The following FAM193A variants were observed in gnomAD, a reference collection of about 807,000 sequenced individuals.
FAM193A encodes the protein protein FAM193A.
A neutral mutation model predicts 126.5 loss-of-function variants in FAM193A; 22 were observed. The observed-to-expected ratio is 0.17, with a 90% CI of 0.12 to 0.25. FAM193A has a LOEUF of 0.25. FAM193A is among the 10% of genes least tolerant of loss of function. The pLI is 1.00. For missense variants in FAM193A, 1,675 were observed against 1,672.8 expected, an observed-to-expected ratio of 1.00 and a Z score of -0.02; for synonymous variants, 761 against 646.8, an observed-to-expected ratio of 1.18 and a Z score of -2.68.
intron 19 of FAM193A, among the ~76,000 whole-genome samples, chr4:2,710,944 C>T (rs868005597): frequency 9.2e-5 from 14 of 151,428 alleles, no homozygotes; most frequent in African/African-American, 1.5e-4. Flanking sequence ...CTCCGCCTCC[C>T]GGGTTCATGC....
intron 3 of FAM193A, chr4:2,625,629 C>T (rs980658167): frequency 6.6e-5 from 23 of 346,884 alleles, no homozygotes; most frequent in Non-Finnish European, 1.0e-4. Context: ...TAATCAGAAT[C>T]TAAGAGCAGC....
chr4:2,631,213 A>AG (rs1743546425), intron 5 of FAM193A, 44 bp downstream of exon 5: 2 of 1,550,676 alleles, frequency 1.3e-6, no homozygotes, highest in Non-Finnish European at 8.8e-7. Context: ...GATGAGCTGA[A>AG]GAGAAGCATG....
At chr4:2,602,048 A>C (rs1191807184) in intron 2 of FAM193A, among the ~76,000 whole-genome samples, 3 of 152,010 alleles carry the variant, frequency 2.0e-5, no homozygotes, top group African/African-American at 7.2e-5. Context: ...CATGTTGCCC[A>C]GGCTGGTTTC....
At chr4:2,669,407 G>A (rs982262533) in intron 12 of FAM193A, among the ~76,000 whole-genome samples, 5 of 152,058 alleles carry the variant, frequency 3.3e-5, no homozygotes, top group East Asian at 2.0e-4. Context: ...TCAGGAGTTC[G>A]AGACCAGCCT....
intron 1 of FAM193A, among the ~76,000 whole-genome samples, chr4:2,594,268 G>C (rs1461666176): frequency 4.6e-5 from 7 of 152,148 alleles, no homozygotes; most frequent in Non-Finnish European, 1.0e-4. Context: ...ATGGAGCCTG[G>C]GGTCCAAATG....
At chr4:2,551,881 CCT>C (rs1296110810) in intron 1 of FAM193A, among the ~76,000 whole-genome samples, 1 of 151,766 alleles carries the variant, frequency 6.6e-6, no homozygotes, top group Non-Finnish European at 1.5e-5. Context: ...TGTACGGTCT[CCT>C]AGTCTGGAGT....
intron 19 of FAM193A, among the ~76,000 whole-genome samples, chr4:2,708,683 G>A (rs1050757019): frequency 4.6e-5 from 7 of 151,738 alleles, no homozygotes; most frequent in Non-Finnish European, 8.8e-5. Context: ...GGCTGGTCTC[G>A]AACTCCAGAC....
rs189295942 is a variant in FAM193A at position 2,577,443 on chromosome 4, G to A, written c.256-18641G>A. Reference sequence around the variant, plus strand: ...TTTTGTTTTTTTTTTTTTTGAGACAGAGTCTCAGTCTGTCACTCAAGCTGG... The same window carrying A: ...TTTTGTTTTTTTTTTTTTTGAGACAAAGTCTCAGTCTGTCACTCAAGCTGG... On this transcript the variant is annotated intron_variant, in intron 1 of 20. Transcript: ENST00000637812. Among the ~76,000 whole-genome samples the A allele has an allele frequency of 4.6e-4, 35 of 76,616 alleles. No individual in the cohort carries two copies. In the East Asian group the frequency reaches 0.012, roughly 26 times the overall value. 50.3% of individuals were successfully genotyped at this position (76,616 alleles called of 152,430 possible). A position where few individuals can be genotyped will look rare whatever the true frequency, so the allele number is the denominator to read the frequency against.
chr4:2,660,377 G>T (rs571749441), intron 10 of FAM193A, among the ~76,000 whole-genome samples: 1 of 152,268 alleles, frequency 6.6e-6, no homozygotes, highest in Admixed American at 6.5e-5. Context: ...CGTCTGTCCT[G>T]TCTCCCTGTC....
chr4:2,626,534 T>C lies in FAM193A; in HGVS notation c.760T>C (p.Ser254Pro). Reference sequence around the variant, plus strand: ...CCCGCTGGCAGATGACCAGGACCAGTCTCTGGTGCCTGACAAGGAGGGAGT... The same window carrying C: ...CCCGCTGGCAGATGACCAGGACCAGCCTCTGGTGCCTGACAAGGAGGGAGT... ...GTPLADDQDQ[S>P]LVPDKEGVKE... The change falls in exon 4 of 21, where the codon TCT (serine) becomes CCT (proline). Residue 254 changes from serine (S) to proline (P), a missense_variant. Coordinates refer to ENST00000637812, the MANE Select transcript of FAM193A (RefSeq NM_001366318.2). 2.8e-6 allele frequency: 2 copies of C among 702,112 alleles called. No individual in the cohort carries two copies. The highest frequency in any genetic ancestry group is 5.2e-6 in the Non-Finnish European group (2 of 384,850). The allele number at this position is 702,112 out of a possible 1,614,324, so 43.5% of individuals were successfully genotyped here.
intron 20 of FAM193A, among the ~76,000 whole-genome samples, chr4:2,721,109 C>G (rs1219448758): frequency 6.6e-6 from 1 of 151,900 alleles, no homozygotes; most frequent in African/African-American, 2.4e-5. Context: ...GCCAGGAGCT[C>G]GAAACCATCC....
At chr4:2,606,603 A>G (rs1480446337) in intron 2 of FAM193A, among the ~76,000 whole-genome samples, 3 of 152,320 alleles carry the variant, frequency 2.0e-5, no homozygotes, top group East Asian at 3.9e-4. Context: ...GTGAAAGTCC[A>G]TTGGTCTGTC....
intron 7 of FAM193A, among the ~76,000 whole-genome samples, chr4:2,648,364 C>CA (rs935564862): frequency 3.1e-4 from 47 of 152,312 alleles, no homozygotes; most frequent in South Asian, 1.7e-3. Context: ...GGAGGGGCCT[C>CA]AGAGATCACT....
chr4:2,622,345 T>A (rs1056672578), intron 2 of FAM193A, among the ~76,000 whole-genome samples: 9 of 147,464 alleles, frequency 6.1e-5, no homozygotes, highest in African/African-American at 2.3e-4. Flanking sequence ...ATGGCAGGAG[T>A]CCCCAAGGGC....
At chr4:2,561,256 C>G (rs1738595796) in intron 1 of FAM193A, among the ~76,000 whole-genome samples, 1 of 152,196 alleles carries the variant, frequency 6.6e-6, no homozygotes, top group East Asian at 1.9e-4. Flanking sequence ...TCTCAGTTCA[C>G]TGCAGCCTCT....
intron 1 of FAM193A, among the ~76,000 whole-genome samples, chr4:2,563,026 C>A (rs1738721324): frequency 6.6e-6 from 1 of 151,952 alleles, no homozygotes; most frequent in Non-Finnish European, 1.5e-5. Flanking sequence ...CTCACTGCAA[C>A]CTCTGCCTCC....
intron 15 of FAM193A, among the ~76,000 whole-genome samples, chr4:2,692,510 C>T (rs2109273370): frequency 6.6e-6 from 1 of 152,300 alleles, no homozygotes; most frequent in African/African-American, 2.4e-5. Context: ...CAGACAGTGC[C>T]ATGCACACCA....
At chr4:2,587,318 G>C (rs1441110255) in intron 1 of FAM193A, among the ~76,000 whole-genome samples, 2 of 152,178 alleles carry the variant, frequency 1.3e-5, no homozygotes, top group African/African-American at 4.8e-5. Flanking sequence ...CTAATGGAAT[G>C]AGAACTCACT....
In FAM193A at chr4:2,723,806, GTTTGT is replaced by G. The variant is rs1161443971; in HGVS notation, c.4454+7716_4454+7720del. On this transcript the variant is annotated intron_variant, in intron 20 of 20. Coordinates refer to ENST00000637812, the MANE Select transcript of FAM193A (RefSeq NM_001366318.2). ...GTTGGGGTTTCTGGGTTTTTTGTTT[GTTTGT>G]TTTGTTTTGTTTTTTTGAGACAGGG... Among the ~76,000 whole-genome samples, 3 of 152,136 alleles carry G rather than the reference GTTTGT, an allele frequency of 2.0e-5. No homozygotes were observed. In the East Asian group the frequency reaches 5.8e-4, roughly 29 times the overall value.
Sources: allele counts gnomAD v4.1 joint callset (sites outside exome capture counted in the v4.1 genomes callset), GRCh38; gene constraint gnomAD v4.1.1; transcripts MANE v1.5; gene names NCBI Gene and HGNC (gene_info 2026-07-23, HGNC 2026-07-21).